Variants in KIF16B observed in about 807,000 individuals in gnomAD.
KIF16B encodes kinesin family member 16B.
Under a neutral mutation model 156.3 loss-of-function variants are expected in KIF16B, and 98 were observed. The observed-to-expected ratio is 0.63, with a 90% CI of 0.53 to 0.74. The LOEUF is 0.74. Ranked by LOEUF, KIF16B falls within the 30% of genes least tolerant of loss-of-function variation. The pLI is 0.00. For synonymous variants in KIF16B, 564 were observed against 583.7 expected, an observed-to-expected ratio of 0.97 and a Z score of 0.49; for missense variants, 1,421 against 1,606.5, an observed-to-expected ratio of 0.88 and a Z score of 1.97.
chr20:16,500,969 A>T (rs2068604535), intron 10 of KIF16B, among the ~76,000 whole-genome samples: 3 of 152,124 alleles, frequency 2.0e-5, no homozygotes, highest in Non-Finnish European at 2.9e-5. Context: ...TTCAAGAGAG[A>T]TGAGGAAGTC....
At chr20:16,372,135 T>A (rs1486965162) in intron 20 of KIF16B, among the ~76,000 whole-genome samples, 1 of 152,224 alleles carries the variant, frequency 6.6e-6, no homozygotes, top group Non-Finnish European at 1.5e-5. Context: ...TTCAGAGCCT[T>A]GGGTTCCTCA....
intron 17 of KIF16B, among the ~76,000 whole-genome samples, chr20:16,386,157 G>C (rs1258843536): frequency 1.3e-5 from 2 of 152,094 alleles, no homozygotes; most frequent in Non-Finnish European, 2.9e-5. Flanking sequence ...AGGTTACCCA[G>C]GACACACGTG....
chr20:16,554,737 G>A (rs1219778186), intron 1 of KIF16B, among the ~76,000 whole-genome samples: 2 of 152,218 alleles, frequency 1.3e-5, no homozygotes, highest in South Asian at 2.1e-4. Context: ...CCCTGAGCCA[G>A]GGCTGTCACA....
In KIF16B at chr20:16,291,132, C is replaced by T. The variant is rs548143239; in HGVS notation, c.3796-17721G>A. ...AGCTATAGGCAATGCTGATAGGCCTCGATAAACAATGAGAAGCATGGGTTT... is the reference window on the plus strand; with the variant it reads ...AGCTATAGGCAATGCTGATAGGCCTTGATAAACAATGAGAAGCATGGGTTT... On this transcript the variant is annotated intron_variant, in intron 25 of 25. Transcript: ENST00000354981. Among the ~76,000 whole-genome samples the T allele has an allele frequency of 2.6e-5, 4 of 152,242 alleles. No individual in the cohort carries two copies. In the South Asian group the frequency reaches 6.2e-4, roughly 24 times the overall value.
chr20:16,281,203 T>G (rs1443182751), intron 25 of KIF16B, among the ~76,000 whole-genome samples: 3 of 152,206 alleles, frequency 2.0e-5, no homozygotes, highest in Non-Finnish European at 4.4e-5. Context: ...AAATGTTCTT[T>G]AAAAATATAA....
chr20:16,569,377 G>A (rs951774171), intron 1 of KIF16B, among the ~76,000 whole-genome samples: 1 of 152,174 alleles, frequency 6.6e-6, no homozygotes. Flanking sequence ...AGAGAGTCTG[G>A]CACAGAGTCA....
At chr20:16,572,716 CAA>C (rs1234227113) in intron 1 of KIF16B, among the ~76,000 whole-genome samples, 1 of 152,204 alleles carries the variant, frequency 6.6e-6, no homozygotes, top group Non-Finnish European at 1.5e-5. Flanking sequence ...AGGACTTTGT[CAA>C]AGTTTTCCCA....
intron 15 of KIF16B, among the ~76,000 whole-genome samples, chr20:16,417,530 A>G (rs901931072): frequency 6.6e-6 from 1 of 152,200 alleles, no homozygotes; most frequent in Non-Finnish European, 1.5e-5. Context: ...ACACAATCCA[A>G]TATTATTCCT....
intron 23 of KIF16B, among the ~76,000 whole-genome samples, chr20:16,354,437 T>TTGTTTTA (rs1339671884): frequency 1.5e-5 from 2 of 132,768 alleles, no homozygotes; most frequent in African/African-American, 6.0e-5. Context: ...AAATTGTTTT[T>TTGTTTTA]ATATTCATGT....
intron 17 of KIF16B, among the ~76,000 whole-genome samples, chr20:16,393,766 G>C (rs2065427200): frequency 6.6e-6 from 1 of 152,192 alleles, no homozygotes; most frequent in African/African-American, 2.4e-5. Flanking sequence ...AAGTAGCCCA[G>C]GAGGTAAAAT....
At chr20:16,487,534 A>T (rs183641193) in intron 12 of KIF16B, among the ~76,000 whole-genome samples, 52 of 152,330 alleles carry the variant, frequency 3.4e-4, no homozygotes, top group South Asian at 1.2e-3. Flanking sequence ...AATCTTTTAT[A>T]GGTTGCCATA....
chr20:16,317,843 T>C (rs1212329721), intron 24 of KIF16B, among the ~76,000 whole-genome samples: 2 of 152,176 alleles, frequency 1.3e-5, no homozygotes, highest in African/African-American at 4.8e-5. Context: ...AAGATCAGGA[T>C]GCAATTCCAC....
At chr20:16,392,593 G>A (rs904627924) in intron 17 of KIF16B, among the ~76,000 whole-genome samples, 10 of 152,198 alleles carry the variant, frequency 6.6e-5, no homozygotes, top group African/African-American at 1.7e-4. Flanking sequence ...CTCTGAGATC[G>A]CACATGTGAA....
chr20:16,322,419 T>C (rs1436111979), intron 24 of KIF16B, among the ~76,000 whole-genome samples: 1 of 151,990 alleles, frequency 6.6e-6, no homozygotes, highest in Non-Finnish European at 1.5e-5. Context: ...ACAATTAGTA[T>C]TTACTTAAAT....
At chr20:16,501,325 A>ACCGGCAC (rs1364553531) in intron 10 of KIF16B, among the ~76,000 whole-genome samples, 2 of 92,886 alleles carry the variant, frequency 2.2e-5, no homozygotes, top group African/African-American at 3.0e-5. Flanking sequence ...CAAGAATTGA[A>ACCGGCAC]TTCTTGGTTC....
At chr20:16,446,806 A>C (rs1290228609) in intron 12 of KIF16B, among the ~76,000 whole-genome samples, 1 of 152,240 alleles carries the variant, frequency 6.6e-6, no homozygotes, top group East Asian at 1.9e-4. Flanking sequence ...TAGGCACGCT[A>C]GGTCGAATTG....
At chr20:16,334,248 C>T (rs775489594) in intron 24 of KIF16B, among the ~76,000 whole-genome samples, 5 of 152,224 alleles carry the variant, frequency 3.3e-5, no homozygotes, top group Non-Finnish European at 7.4e-5. Context: ...ACGCAAAATC[C>T]GTCCGTTATT....
At chr20:16,445,269 T>C (rs1199933268) in intron 12 of KIF16B, among the ~76,000 whole-genome samples, 1 of 152,128 alleles carries the variant, frequency 6.6e-6, no homozygotes, top group Non-Finnish European at 1.5e-5. Flanking sequence ...TTGCCATTTT[T>C]CCCCAAAGAA....
At chr20:16,542,587 G>A (rs1243674083) in intron 1 of KIF16B, among the ~76,000 whole-genome samples, 2 of 152,168 alleles carry the variant, frequency 1.3e-5, no homozygotes, top group African/African-American at 2.4e-5. Context: ...ACACCTGAAC[G>A]GGGCCAGGCA....
Sources: gnomAD v4.1 joint callset for allele counts (sites outside exome capture counted in the v4.1 genomes callset) on GRCh38, gnomAD v4.1.1 for gene constraint, MANE v1.5 for transcripts, NCBI Gene and HGNC (gene_info 2026-07-23, HGNC 2026-07-21) for gene names.